WBP4: variants seen among roughly 807,000 people sequenced by gnomAD.
WBP4 encodes WW domain-binding protein 4.
A neutral mutation model predicts 55.4 loss-of-function variants in WBP4; 37 were observed. The observed-to-expected ratio is 0.67, with a 90% CI of 0.51 to 0.88. WBP4 has a LOEUF of 0.88. WBP4 is among the 40% of genes least tolerant of loss of function. WBP4 has a pLI of 0.00. For missense variants in WBP4, 398 were observed against 420.8 expected (o/e 0.95, Z 0.47); for synonymous variants, 142 against 140.2 (o/e 1.01, Z -0.09).
rs1388897328 is a variant in WBP4 at position 41,067,735 on chromosome 13, A to G, written c.263-826A>G. Among the ~76,000 whole-genome samples the G allele has an allele frequency of 3.9e-5, 6 of 152,308 alleles. No homozygotes were observed. In the South Asian group the frequency reaches 1.2e-3, roughly 32 times the overall value. ...CTTTGTAATTGTTGTCCATTTTTCT[A>G]TTAGAATGTTTGATTTGTAAAGGAT... On this transcript the variant is annotated intron_variant, in intron 4 of 9. Coordinates refer to ENST00000379487, the MANE Select transcript of WBP4 (RefSeq NM_007187.5).
Position 41,062,327 on chromosome 13 carries a change from A to G in WBP4, c.3-317A>G, listed in dbSNP as rs542735264. ...TTTCCATTACAGCAACCTCCCCCAA[A>G]GCCAGAAAGGATAAATGTTCTTCTA... is the stretch of plus-strand genomic sequence containing the variant. On this transcript the variant is annotated intron_variant, in intron 1 of 9. Coordinates refer to ENST00000379487, the MANE Select transcript of WBP4 (RefSeq NM_007187.5). The G allele has an allele frequency of 4.2e-6, 4 of 954,868 alleles. No individual in the cohort carries two copies. In the East Asian group the frequency reaches 4.6e-4, roughly 110 times the overall value. 59.1% of individuals were successfully genotyped at this position (954,868 alleles called of 1,614,324 possible).
rs901083450 is a variant in WBP4 at position 41,080,881 on chromosome 13, G to C, written c.920+72G>C. On this transcript the variant is annotated intron_variant, in intron 9 of 9. Coordinates refer to ENST00000379487, the MANE Select transcript of WBP4 (RefSeq NM_007187.5). ...CATCCCAGTACTTCCCTAAATTGCA[G>C]TAAGTAATTTCAAGGATGCTGTGCT... is the stretch of plus-strand genomic sequence containing the variant. 3.4e-6 allele frequency: 5 copies of C among 1,449,482 alleles called. No homozygotes were observed. In the African/African-American group the frequency reaches 5.7e-5, roughly 17 times the overall value. The allele number at this position is 1,449,482 out of a possible 1,614,324, so 89.8% of individuals were successfully genotyped here.
At chr13:41,061,721 G>A in intron 1 of WBP4, 46 bp downstream of exon 1, 1 of 1,612,972 alleles carries the variant, frequency 6.2e-7, no homozygotes, top group Non-Finnish European at 8.5e-7. Context: ...TGTTTCTCTG[G>A]GCCGCCCTTT....
rs372433366 is a variant in WBP4, at chr13:41,082,947, A to G, written c.*33A>G. The G allele has an allele frequency of 6.9e-6, 11 of 1,604,528 alleles. No individual in the cohort carries two copies. The African/African-American group carries it at 1.3e-4, about 20-fold the overall frequency. On this transcript the variant is annotated 3_prime_UTR_variant, in exon 10 of 10. Coordinates refer to ENST00000379487, the MANE Select transcript of WBP4 (RefSeq NM_007187.5). ...AGAGCTTTTTGTACATGCTTTTAGGACAGAATGGAGACTTATACACCCAAA... is the reference window on the plus strand; with the variant it reads ...AGAGCTTTTTGTACATGCTTTTAGGGCAGAATGGAGACTTATACACCCAAA...
Position 41,076,175 on chromosome 13 carries a change from G to A in WBP4, c.694G>A (p.Glu232Lys), listed in dbSNP as rs746608410. The A allele has an allele frequency of 1.2e-6, 2 of 1,612,342 alleles. No homozygotes were observed. Among genetic ancestry groups the A allele is most frequent in the Non-Finnish European group, 1.7e-6 (2 of 1,179,876 alleles). Residue 232 changes from glutamate (E) to lysine (K), a missense_variant, in exon 8 of 10, where the codon GAA (glutamate) becomes AAA (lysine). Transcript: ENST00000379487. ...AGATTCGCATAGTGATTCTGATGGGGAACAGGAAGCAGAAGAAGGAGGGGT... is the reference window on the plus strand; with the variant it reads ...AGATTCGCATAGTGATTCTGATGGGAAACAGGAAGCAGAAGAAGGAGGGGT... ...SSDSHSDSDG[E>K]QEAEEGGVST...
At chr13:41,064,866 A>G in intron 2 of WBP4, 150 bp from the exon 3 acceptor site, 1 of 705,816 alleles carries the variant, frequency 1.4e-6, no homozygotes, top group Non-Finnish European at 2.2e-6. Context: ...TTTGATTAAA[A>G]GGGCCAATTT....
At chr13:41,074,885 C>T (rs185496641) in intron 7 of WBP4, among the ~76,000 whole-genome samples, 9 of 152,234 alleles carry the variant, frequency 5.9e-5, no homozygotes, top group African/African-American at 1.9e-4. Flanking sequence ...GTCCCAGTTA[C>T]TCGGGAGGCT....
chr13:41,066,535 T>C (rs2138463090), intron 4 of WBP4, among the ~76,000 whole-genome samples: 1 of 152,318 alleles, frequency 6.6e-6, no homozygotes, highest in South Asian at 2.1e-4. Context: ...CATTTTTATA[T>C]GGTAGGAGCA....
intron 9 of WBP4, among the ~76,000 whole-genome samples, chr13:41,081,261 G>A (rs1368662680): frequency 6.6e-6 from 1 of 152,000 alleles, no homozygotes; most frequent in Non-Finnish European, 1.5e-5. Context: ...CACTTCAGGA[G>A]GCCAAGGCAG....
intron 8 of WBP4, among the ~76,000 whole-genome samples, chr13:41,079,924 G>A (rs1383803298): frequency 6.6e-6 from 1 of 152,194 alleles, no homozygotes; most frequent in African/African-American, 2.4e-5. Flanking sequence ...TTGCAGCTAT[G>A]TGAATGGAAC....
intron 1 of WBP4, chr13:41,062,180 A>C: frequency 4.1e-6 from 4 of 967,794 alleles, no homozygotes; most frequent in Non-Finnish European, 4.8e-6. Context: ...CTTGAGGCTC[A>C]AGAACAGTTT....
chr13:41,063,134 T>C (rs1877778879), intron 2 of WBP4, among the ~76,000 whole-genome samples: 1 of 152,202 alleles, frequency 6.6e-6, no homozygotes, highest in African/African-American at 2.4e-5. Context: ...GCTGTGTATC[T>C]TTAGATGCTT....
intron 5 of WBP4, among the ~76,000 whole-genome samples, chr13:41,071,113 C>G (rs1202507027): frequency 6.6e-6 from 1 of 152,114 alleles, no homozygotes; most frequent in Admixed American, 6.5e-5. Flanking sequence ...TTTATATACT[C>G]TTCCTCTCCA....
At chr13:41,073,125 G>A (rs1310065189) in intron 7 of WBP4, among the ~76,000 whole-genome samples, 1 of 152,154 alleles carries the variant, frequency 6.6e-6, no homozygotes. Flanking sequence ...AGCTTTCTCT[G>A]ACATTACTAT....
At chr13:41,073,376 G>A (rs570700480) in intron 7 of WBP4, among the ~76,000 whole-genome samples, 10 of 152,062 alleles carry the variant, frequency 6.6e-5, no homozygotes, top group Non-Finnish European at 1.0e-4. Flanking sequence ...TTAGCCGGGT[G>A]TGGTGGCACA....
At chr13:41,079,400 T>C (rs767224945) in intron 8 of WBP4, among the ~76,000 whole-genome samples, 2 of 151,944 alleles carry the variant, frequency 1.3e-5, no homozygotes, top group Admixed American at 6.6e-5. Flanking sequence ...TGAAACCCCA[T>C]CTCTACTAAA....
chr13:41,062,165 C>T (rs1158362407), intron 1 of WBP4: 1 of 915,636 alleles, frequency 1.1e-6, no homozygotes, highest in Non-Finnish European at 1.3e-6. Flanking sequence ...CCAGTTCTCT[C>T]TTGCCTTGAG....
intron 1 of WBP4, 114 bp from the exon 2 acceptor site, chr13:41,062,530 G>A (rs375320578): frequency 5.3e-6 from 5 of 941,544 alleles, no homozygotes; most frequent in South Asian, 1.8e-5. Context: ...TACATAACAA[G>A]ACAAGATTCA....
intron 9 of WBP4, among the ~76,000 whole-genome samples, chr13:41,081,973 GAT>G (rs1158100627): frequency 6.6e-6 from 1 of 152,212 alleles, no homozygotes; most frequent in African/African-American, 2.4e-5. Flanking sequence ...TGATGGGTGT[GAT>G]GTGACTAATT....
Sources: allele counts gnomAD v4.1 joint callset (sites outside exome capture counted in the v4.1 genomes callset), GRCh38; gene constraint gnomAD v4.1.1; transcripts MANE v1.5; gene names NCBI Gene and HGNC (gene_info 2026-07-23, HGNC 2026-07-21).